DLGAP1: variants seen among roughly 807,000 people sequenced by gnomAD.
The protein encoded by DLGAP1 is disks large-associated protein 1.
Under a neutral mutation model 90.8 loss-of-function variants are expected in DLGAP1, and 11 were observed. The observed-to-expected ratio is 0.12, with a 90% confidence interval of 0.08 to 0.20. The LOEUF (loss-of-function observed/expected upper bound fraction) is 0.20. Ranked by LOEUF, DLGAP1 falls within the 10% of genes least tolerant of loss-of-function variation. The pLI, the probability that DLGAP1 is intolerant of heterozygous loss-of-function variation, is 1.00. For synonymous variants in DLGAP1, 558 were observed against 540.7 expected (o/e 1.03, Z -0.44); for missense variants, 1,050 against 1,333.8 (o/e 0.79, Z 3.31).
intron 2 of DLGAP1, among the ~76,000 whole-genome samples, chr18:4,035,688 A>T (rs2074876617): frequency 6.6e-6 from 1 of 152,200 alleles, no homozygotes; most frequent in Non-Finnish European, 1.5e-5. Flanking sequence ...GCACTTAAAA[A>T]GCTTTCGTGC....
intron 7 of DLGAP1, among the ~76,000 whole-genome samples, chr18:3,694,939 G>GTTTTTTT (rs1219198458): frequency 1.6e-5 from 2 of 125,254 alleles, no homozygotes; most frequent in Non-Finnish European, 3.4e-5. Flanking sequence ...TGTTTTTTTT[G>GTTTTTTT]TTTTTTTTTT....
chr18:3,751,883 CT>C (rs759513286), intron 5 of DLGAP1, among the ~76,000 whole-genome samples: 3,088 of 112,290 alleles, frequency 0.028, 53 homozygotes, highest in Middle Eastern at 0.12. Context: ...TCTTCTTCTT[CT>C]TTTTTTTTTT....
intron 1 of DLGAP1, among the ~76,000 whole-genome samples, chr18:4,260,946 G>T (rs2078990898): frequency 6.6e-6 from 1 of 152,170 alleles, no homozygotes; most frequent in Admixed American, 6.5e-5. Flanking sequence ...GGCTATAGAT[G>T]CAAATCAACA....
intron 2 of DLGAP1, among the ~76,000 whole-genome samples, chr18:4,059,830 T>C (rs1021278592): frequency 1.3e-5 from 2 of 152,178 alleles, no homozygotes; most frequent in African/African-American, 4.8e-5. Context: ...CTTTTATAAC[T>C]GAGATTAGAA....
chr18:3,998,363 C>T (rs945805454), intron 3 of DLGAP1, among the ~76,000 whole-genome samples: 4 of 152,060 alleles, frequency 2.6e-5, no homozygotes, highest in Non-Finnish European at 4.4e-5. Context: ...ATTAGGAATT[C>T]ATGAATGTTA....
intron 2 of DLGAP1, among the ~76,000 whole-genome samples, chr18:4,106,100 T>TTTTTG (rs547162430): frequency 1.3e-5 from 2 of 149,368 alleles, no homozygotes; most frequent in African/African-American, 2.5e-5. Flanking sequence ...TTAAAAAAGG[T>TTTTTG]TTTTGTTTTG....
intron 3 of DLGAP1, among the ~76,000 whole-genome samples, chr18:3,938,734 C>T (rs2072698140): frequency 6.6e-6 from 1 of 152,134 alleles, no homozygotes; most frequent in Non-Finnish European, 1.5e-5. Context: ...CACAAGACAG[C>T]AGGGTGCAGA....
intron 1 of DLGAP1, among the ~76,000 whole-genome samples, chr18:4,396,459 G>A (rs1038312485): frequency 2.0e-5 from 3 of 152,200 alleles, no homozygotes; most frequent in Admixed American, 1.3e-4. Flanking sequence ...TTATTCTCAC[G>A]AATTACGGTT....
At position 3,775,524 on chromosome 18, in the gene DLGAP1, C is replaced by T. The variant is rs2064900839; in HGVS notation, c.1173-33012G>A. 6.6e-6 allele frequency among the ~76,000 whole-genome samples: 1 copy of T among 152,164 alleles called. No homozygotes were observed. The highest frequency in any genetic ancestry group is 2.4e-5 in the African/African-American group (1 of 41,442). ...ACCATGATTGTAAGTTTCCCGAGGC[C>T]TCACCAAGCACGCTTCCTGTACAGC... On this transcript the variant is annotated intron_variant, in intron 5 of 12. Transcript: ENST00000315677. This position sits in a 1 kb window ranked among gnomAD's most constrained non-coding sequence, Gnocchi z 4.9.
intron 1 of DLGAP1, among the ~76,000 whole-genome samples, chr18:4,254,412 G>A (rs2078845717): frequency 6.6e-6 from 1 of 152,188 alleles, no homozygotes; most frequent in Admixed American, 6.5e-5. Context: ...TATTCGGCTT[G>A]TAAGCAGAAG....
At chr18:3,502,275 T>C (rs1665884486) in intron 12 of DLGAP1, 8 of 1,338,882 alleles carry the variant, frequency 6.0e-6, no homozygotes, top group African/African-American at 1.5e-5. Flanking sequence ...CATTTTCCAA[T>C]TCACAAAGAC....
At chr18:3,917,811 G>A (rs1484404337) in intron 3 of DLGAP1, among the ~76,000 whole-genome samples, 2 of 151,890 alleles carry the variant, frequency 1.3e-5, no homozygotes, top group Non-Finnish European at 2.9e-5. Context: ...TGAAAATTGT[G>A]TATATGGGAG....
At chr18:3,787,349 T>C (rs1324652832) in intron 5 of DLGAP1, among the ~76,000 whole-genome samples, 1 of 151,784 alleles carries the variant, frequency 6.6e-6, no homozygotes, top group African/African-American at 2.4e-5. Flanking sequence ...GGCGTGGTGG[T>C]GGGCACCTGT....
chr18:4,056,372 G>A (rs780513746), intron 2 of DLGAP1, among the ~76,000 whole-genome samples: 34 of 152,198 alleles, frequency 2.2e-4, no homozygotes, highest in Non-Finnish European at 4.0e-4. Context: ...CTGGCCAGAA[G>A]CGGCCTGGGG....
intron 7 of DLGAP1, among the ~76,000 whole-genome samples, chr18:3,683,782 A>C (rs1338151543): frequency 1.3e-5 from 2 of 152,204 alleles, no homozygotes; most frequent in Non-Finnish European, 2.9e-5. Flanking sequence ...TGATGGTAAG[A>C]AAAAGGAAAG....
At chr18:3,824,664 C>T (rs192369829) in intron 4 of DLGAP1, among the ~76,000 whole-genome samples, 1 of 152,236 alleles carries the variant, frequency 6.6e-6, no homozygotes, top group Admixed American at 6.5e-5. Context: ...ACATATTTGA[C>T]ATTTATAAAC....
chr18:4,145,924 C>T (rs1405269054), intron 2 of DLGAP1, among the ~76,000 whole-genome samples: 1 of 152,104 alleles, frequency 6.6e-6, no homozygotes, highest in Non-Finnish European at 1.5e-5. Flanking sequence ...AAAGGCCTGA[C>T]TTGACACATG....
At chr18:3,850,987 A>G (rs1487853622) in intron 4 of DLGAP1, among the ~76,000 whole-genome samples, 1 of 152,172 alleles carries the variant, frequency 6.6e-6, no homozygotes, top group African/African-American at 2.4e-5. Context: ...TCCAAACAAC[A>G]AAACAACAAT....
At chr18:3,715,969 G>C (rs2061747140) in intron 7 of DLGAP1, among the ~76,000 whole-genome samples, 1 of 152,006 alleles carries the variant, frequency 6.6e-6, no homozygotes, top group African/African-American at 2.4e-5. Flanking sequence ...CCAGTATGAG[G>C]GTAAAGGAAA....
Sources: allele counts gnomAD v4.1 joint callset (sites outside exome capture counted in the v4.1 genomes callset), GRCh38; gene constraint gnomAD v4.1.1; non-coding constraint Gnocchi (gnomAD v3.1); transcripts MANE v1.5; gene names NCBI Gene and HGNC (gene_info 2026-07-23, HGNC 2026-07-21).